PTPRD: variants seen among roughly 807,000 people sequenced by gnomAD.
PTPRD encodes the protein receptor-type tyrosine-protein phosphatase delta.
A neutral mutation model predicts 214.5 loss-of-function variants in PTPRD; 34 were observed. The ratio of observed to expected loss-of-function variants is 0.16; its 90% CI spans 0.12 to 0.21. PTPRD has a LOEUF of 0.21. Among genes scored for constraint, PTPRD ranks in the 10% least tolerant of loss-of-function variants. PTPRD has a pLI of 1.00. For synonymous variants in PTPRD, 1,128 were observed against 845.7 expected (o/e 1.33, Z -5.79); for missense variants, 2,545 against 2,398.7 (o/e 1.06, Z -1.27).
At chr9:10,372,929 T>C (rs1333981338) in intron 2 of PTPRD, among the ~76,000 whole-genome samples, 5 of 150,496 alleles carry the variant, frequency 3.3e-5, no homozygotes, top group African/African-American at 1.2e-4. Flanking sequence ...GGCTTCCGAG[T>C]TCAAGCAATT....
In PTPRD at chr9:8,695,544, G is replaced by A. The variant is rs182819326; in HGVS notation, c.64+38236C>T. Among the ~76,000 whole-genome samples the A allele has an allele frequency of 6.1e-4, 93 of 152,234 alleles. 1 individual carries two copies. The highest frequency in any genetic ancestry group is 2.2e-3 in the African/African-American group (90 of 41,530). The stretch of plus-strand genomic sequence containing the variant: ...CTGTTTATATGCCCAGACACTATCA[G>A]ATACCAATTTATATTCCAAGGAGTC... On this transcript the variant is annotated intron_variant, in intron 12 of 45. Coordinates refer to ENST00000381196, the MANE Select transcript of PTPRD (RefSeq NM_002839.4).
At chr9:9,547,796 T>TCACACACACACA (rs35772205) in intron 8 of PTPRD, among the ~76,000 whole-genome samples, 19,671 of 142,282 alleles carry the variant, frequency 0.14, 1,527 homozygotes, top group Non-Finnish European at 0.18. Context: ...AAACACAAAT[T>TCACACACACACA]CACACACACA....
intron 5 of PTPRD, among the ~76,000 whole-genome samples, chr9:9,838,815 G>A (rs2057541182): frequency 6.6e-6 from 1 of 152,002 alleles, no homozygotes; most frequent in South Asian, 2.1e-4. Flanking sequence ...CATTGCTTTT[G>A]GTGTTTTAGA....
chr9:10,555,898 T>C (rs2062462286), intron 2 of PTPRD, among the ~76,000 whole-genome samples: 1 of 152,014 alleles, frequency 6.6e-6, no homozygotes. Context: ...AAGGTCATGG[T>C]GGGGCAGAAG....
intron 12 of PTPRD, among the ~76,000 whole-genome samples, chr9:8,710,151 T>G (rs2098299735): frequency 6.6e-6 from 1 of 152,132 alleles, no homozygotes; most frequent in African/African-American, 2.4e-5. Flanking sequence ...TTACTAATAT[T>G]AGAAGCTTTT....
Position 8,316,538 on chromosome 9 carries a change from G to GAT in PTPRD, c.*1334_*1335dup, listed in dbSNP as rs1051636679. ...TGAATACACTTTTTTTAAACAACTC[G>GAT]ATAGCTGATATATTACAACATTCTC... On this transcript the variant is annotated 3_prime_UTR_variant, in exon 46 of 46. Coordinates refer to ENST00000381196, the MANE Select transcript of PTPRD (RefSeq NM_002839.4). 2.6e-5 allele frequency: 6 copies of GAT among 230,042 alleles called. No homozygotes were observed. The highest frequency in any genetic ancestry group is 1.3e-4 in the African/African-American group (6 of 44,880). 14.3% of individuals were successfully genotyped at this position (230,042 alleles called of 1,614,324 possible).
At chr9:9,109,099 T>C (rs2154447704) in intron 10 of PTPRD, among the ~76,000 whole-genome samples, 1 of 152,238 alleles carries the variant, frequency 6.6e-6, no homozygotes, top group South Asian at 2.1e-4. Context: ...GTTCCTTCCT[T>C]AGCAATAAAC....
At chr9:8,752,879 G>A (rs2093662280) in intron 11 of PTPRD, among the ~76,000 whole-genome samples, 1 of 152,162 alleles carries the variant, frequency 6.6e-6, no homozygotes, top group African/African-American at 2.4e-5. Context: ...TGGGTACTGG[G>A]TTAAGCTACT....
chr9:10,516,571 GT>G, intron 2 of PTPRD, among the ~76,000 whole-genome samples: 1 of 151,906 alleles, frequency 6.6e-6, no homozygotes, highest in South Asian at 2.1e-4. Context: ...AAGGTTTTTA[GT>G]TTTATGTAGA....
intron 8 of PTPRD, among the ~76,000 whole-genome samples, chr9:9,472,926 G>T (rs1211901419): frequency 6.6e-6 from 1 of 152,068 alleles, no homozygotes; most frequent in Non-Finnish European, 1.5e-5. Context: ...ATCAAATCAG[G>T]ATAATTAGCA....
At chr9:9,772,161 A>G (rs973951704) in intron 5 of PTPRD, among the ~76,000 whole-genome samples, 1 of 152,130 alleles carries the variant, frequency 6.6e-6, no homozygotes, top group Non-Finnish European at 1.5e-5. Context: ...GTGTCCTTAA[A>G]GAGGAGGATG....
chr9:8,951,183 A>G (rs1287482513), intron 11 of PTPRD, among the ~76,000 whole-genome samples: 1 of 126,538 alleles, frequency 7.9e-6, no homozygotes, highest in Non-Finnish European at 1.8e-5. Flanking sequence ...GAGGAAGAGG[A>G]GAAACAGAAA....
At chr9:9,740,325 A>T (rs776424864) in intron 6 of PTPRD, among the ~76,000 whole-genome samples, 35 of 151,582 alleles carry the variant, frequency 2.3e-4, no homozygotes, top group Non-Finnish European at 3.8e-4. Flanking sequence ...AACAGATACT[A>T]TTATGAAGTT....
chr9:10,514,538 A>G (rs1399785208), intron 2 of PTPRD, among the ~76,000 whole-genome samples: 2 of 151,864 alleles, frequency 1.3e-5, no homozygotes, highest in East Asian at 3.8e-4. Context: ...ATTTTATTGC[A>G]GTAAATATTC....
chr9:9,240,916 T>C (rs989328931), intron 9 of PTPRD, among the ~76,000 whole-genome samples: 6 of 152,146 alleles, frequency 3.9e-5, no homozygotes, highest in African/African-American at 7.2e-5. Context: ...TTAAAAGCAC[T>C]GTCAATCAGC....
At chr9:10,146,923 C>G (rs2099026671) in intron 3 of PTPRD, among the ~76,000 whole-genome samples, 1 of 152,106 alleles carries the variant, frequency 6.6e-6, no homozygotes. Flanking sequence ...CATGAATGTG[C>G]TGCTGACAGA....
intron 11 of PTPRD, among the ~76,000 whole-genome samples, chr9:8,925,366 C>T (rs1308535125): frequency 6.6e-6 from 1 of 152,004 alleles, no homozygotes; most frequent in Admixed American, 6.6e-5. Context: ...TATATAGTCT[C>T]CCAGGTTTAA....
chr9:9,918,332 A>G (rs191439171), intron 5 of PTPRD, among the ~76,000 whole-genome samples: 1 of 146,136 alleles, frequency 6.8e-6, no homozygotes, highest in East Asian at 2.0e-4. Flanking sequence ...ATACCTAGGA[A>G]TAAATTTAAC....
intron 11 of PTPRD, among the ~76,000 whole-genome samples, chr9:8,782,975 C>A (rs892932023): frequency 2.0e-5 from 3 of 152,098 alleles, no homozygotes; most frequent in African/African-American, 7.2e-5. Context: ...TGTTTTATCT[C>A]AAAATAGGTT....
Sources: allele counts gnomAD v4.1 joint callset (sites outside exome capture counted in the v4.1 genomes callset), GRCh38; gene constraint gnomAD v4.1.1; transcripts MANE v1.5; gene names NCBI Gene and HGNC (gene_info 2026-07-23, HGNC 2026-07-21).